The following ABLIM2 variants were observed in gnomAD, a reference collection of about 807,000 sequenced individuals.
ABLIM2 encodes the protein actin-binding LIM protein 2.
ABLIM2 carries 53 observed loss-of-function variants against 97.7 expected under a neutral mutation model. The ratio of observed to expected loss-of-function variants is 0.54; its 90% CI spans 0.44 to 0.68. ABLIM2 has a LOEUF of 0.68. ABLIM2 is among the 30% of genes least tolerant of loss of function. The pLI is 0.00. For missense variants in ABLIM2, 835 were observed against 867.2 expected, an observed-to-expected ratio of 0.96 and a Z score of 0.47; for synonymous variants, 361 against 345.8, an observed-to-expected ratio of 1.04 and a Z score of -0.49.
chr4:8,054,385 C>T lies in ABLIM2; in HGVS notation c.764-139G>A. On this transcript the variant is annotated intron_variant, in intron 7 of 20. Transcript: ENST00000447017. This position sits in a 1 kb window ranked among gnomAD's most constrained non-coding sequence, Gnocchi z 4.9. Reference sequence around the variant, plus strand: ...CACCCTCCAAGCGGCCCTGAGCATCCTCTCTGTGCTGGAGTTAGTGCCGGG... The same window carrying T: ...CACCCTCCAAGCGGCCCTGAGCATCTTCTCTGTGCTGGAGTTAGTGCCGGG... The T allele has an allele frequency of 1.1e-6, 1 of 880,310 alleles. No homozygotes were observed. The highest frequency in any genetic ancestry group is 1.8e-6 in the Non-Finnish European group (1 of 554,840). The allele number at this position is 880,310 out of a possible 1,614,324, so 54.5% of individuals were successfully genotyped here. A position where few individuals can be genotyped will look rare whatever the true frequency, so the allele number is the denominator to read the frequency against.
chr4:7,975,714 T>A (rs1037652120), intron 20 of ABLIM2, among the ~76,000 whole-genome samples: 1 of 152,138 alleles, frequency 6.6e-6, no homozygotes, highest in South Asian at 2.1e-4. Context: ...CCAAACAATA[T>A]CTAACTAAAT....
intron 20 of ABLIM2, among the ~76,000 whole-genome samples, chr4:7,975,304 G>GCT (rs1732077618): frequency 6.6e-6 from 1 of 152,202 alleles, no homozygotes; most frequent in Non-Finnish European, 1.5e-5. Flanking sequence ...TTGAACCTCA[G>GCT]CTCTGCCTCT....
chr4:8,062,503 G>C lies in ABLIM2; in HGVS notation c.676-1449C>G, dbSNP rs535764622. ...CTGGCTGGATGGAGTGCAGTGGCGC[G>C]ATCTTGGATCACTGCAAGCTCTGCC... On this transcript the variant is annotated intron_variant, in intron 6 of 20. Transcript: ENST00000447017. Among the ~76,000 whole-genome samples, 7 of 151,458 alleles carry C rather than the reference G, an allele frequency of 4.6e-5. No individual in the cohort carries two copies. In the East Asian group the frequency reaches 1.4e-3, roughly 30 times the overall value.
chr4:8,030,056 G>A (rs980513039), intron 10 of ABLIM2, among the ~76,000 whole-genome samples: 3 of 152,088 alleles, frequency 2.0e-5, no homozygotes, highest in African/African-American at 7.2e-5. Flanking sequence ...CCCTCCTGCC[G>A]GTGGGGGCTC....
In ABLIM2 at chr4:8,128,295, C is replaced by T. The variant is rs184612156; in HGVS notation, c.11-21658G>A. Among the ~76,000 whole-genome samples, 321 of 152,236 alleles carry T rather than the reference C, an allele frequency of 2.1e-3. 1 individual carries two copies. Among genetic ancestry groups the T allele is most frequent in the African/African-American group, 7.3e-3 (303 of 41,534 alleles). On this transcript the variant is annotated intron_variant, in intron 1 of 20. Coordinates refer to ENST00000447017, the MANE Select transcript of ABLIM2 (RefSeq NM_001130083.2). This position sits in a 1 kb window ranked among gnomAD's most constrained non-coding sequence, Gnocchi z 4.9. Reference sequence around the variant, plus strand: ...TCTCCATCTTTACCATAATTACATACGGAAACACCCAAACAAGGTCACATT... The same window carrying T: ...TCTCCATCTTTACCATAATTACATATGGAAACACCCAAACAAGGTCACATT...
chr4:8,108,511 C>G (rs1406289687), intron 1 of ABLIM2, among the ~76,000 whole-genome samples: 1 of 152,242 alleles, frequency 6.6e-6, no homozygotes, highest in African/African-American at 2.4e-5. Flanking sequence ...GAGGCGACTA[C>G]TCTCCCTCGA....
intron 1 of ABLIM2, among the ~76,000 whole-genome samples, chr4:8,145,610 G>A (rs1054145173): frequency 6.6e-6 from 1 of 152,136 alleles, no homozygotes; most frequent in Non-Finnish European, 1.5e-5. Flanking sequence ...CCTGCTGGGT[G>A]CTAGCATTCC....
chr4:8,091,814 A>G, intron 3 of ABLIM2, among the ~76,000 whole-genome samples: 1 of 71,620 alleles, frequency 1.4e-5, no homozygotes, highest in Non-Finnish European at 2.1e-5. Flanking sequence ...ATTATATATT[A>G]TATAATATAT....
In ABLIM2 at chr4:8,019,959, AG is replaced by A. The variant is rs2150882465; in HGVS notation, c.1369+242del. On this transcript the variant is annotated intron_variant, in intron 13 of 20. Coordinates refer to ENST00000447017, the MANE Select transcript of ABLIM2 (RefSeq NM_001130083.2). The surrounding 1 kb of genome is among the most constrained non-coding windows in gnomAD (Gnocchi z 4.3). Reference sequence around the variant, plus strand: ...CCTTTTCCTTCACCCCATTCCCAGGAGGACAGGTGTATCTCCCTGCCGTTTG... The same window carrying A: ...CCTTTTCCTTCACCCCATTCCCAGGAGACAGGTGTATCTCCCTGCCGTTTG... Among the ~76,000 whole-genome samples the A allele has an allele frequency of 6.6e-6, 1 of 152,292 alleles. No individual in the cohort carries two copies. Among genetic ancestry groups the A allele is most frequent in the Non-Finnish European group, 1.5e-5 (1 of 68,022 alleles).
At chr4:8,006,610 A>T (rs1171207267) in intron 16 of ABLIM2, among the ~76,000 whole-genome samples, 2 of 152,216 alleles carry the variant, frequency 1.3e-5, no homozygotes, top group Admixed American at 1.3e-4. Flanking sequence ...GGCATCTGAC[A>T]CGTGAGTGCA....
chr4:7,977,694 G>A (rs1734612439), intron 20 of ABLIM2, among the ~76,000 whole-genome samples: 2 of 152,040 alleles, frequency 1.3e-5, no homozygotes, highest in Non-Finnish European at 2.9e-5. Flanking sequence ...AGGAGGCTGG[G>A]GCAGGAGAAT....
rs1246225946 is a variant in ABLIM2 at position 7,974,438 on chromosome 4, C to T, written c.1825-7335G>A. Among the ~76,000 whole-genome samples the T allele has an allele frequency of 3.0e-3, 335 of 109,886 alleles. 4 individuals are homozygous for T. The highest frequency in any genetic ancestry group is 0.01 in the African/African-American group (303 of 29,036). The allele number at this position is 109,886 out of a possible 152,430, so 72.1% of individuals were successfully genotyped here. On this transcript the variant is annotated intron_variant, in intron 20 of 20. Coordinates refer to ENST00000447017, the MANE Select transcript of ABLIM2 (RefSeq NM_001130083.2). ...ACCAATCCATCCACCCACCCTTCCA[C>T]CCACCCACCCACTCATCCATCCACC...
Position 8,147,816 on chromosome 4 carries a change from G to A in ABLIM2, c.10+10864C>T, listed in dbSNP as rs1160828675. On this transcript the variant is annotated intron_variant, in intron 1 of 20. Transcript: ENST00000447017. This position sits in a 1 kb window ranked among gnomAD's most constrained non-coding sequence, Gnocchi z 5.3. ...TCTCTTGCTTTAAGCCTCCCAGCTT[G>A]TGGTCACTGGTGACCGCAGCCCCTA... Among the ~76,000 whole-genome samples the A allele has an allele frequency of 1.3e-5, 2 of 152,212 alleles. No homozygotes were observed. Among genetic ancestry groups the A allele is most frequent in the Non-Finnish European group, 2.9e-5 (2 of 68,048 alleles).
chr4:7,966,878 CCATGGA>C lies in ABLIM2; in HGVS notation c.*106_*111del. ...GCTGGGGGACCCCCTCCCGCCCACC[CCATGGA>C]CACAGAGAAGCCAGAGCAAGGTGTG... On this transcript the variant is annotated 3_prime_UTR_variant, in exon 21 of 21. Coordinates refer to ENST00000447017, the MANE Select transcript of ABLIM2 (RefSeq NM_001130083.2). 2.9e-6 allele frequency: 1 copy of C among 348,984 alleles called. No individual in the cohort carries two copies. The allele number at this position is 348,984 out of a possible 1,614,324, so 21.6% of individuals were successfully genotyped here. A position where few individuals can be genotyped will look rare whatever the true frequency, so the allele number is the denominator to read the frequency against.
At position 7,996,185 on chromosome 4, in the gene ABLIM2, A is replaced by C. The variant is rs186396010; in HGVS notation, c.1619-3258T>G. Among the ~76,000 whole-genome samples, 599 of 152,286 alleles carry C rather than the reference A, an allele frequency of 3.9e-3. 2 individuals are homozygous for C. Among genetic ancestry groups the C allele is most frequent in the Non-Finnish European group, 6.1e-3 (417 of 68,016 alleles). ...CAACCTTGCCAGGGAACTCGTCAGA[A>C]ATGCAAATTAGTGGGCCCTACCCTA... On this transcript the variant is annotated intron_variant, in intron 16 of 20. Transcript: ENST00000447017. The surrounding 1 kb of genome is among the most constrained non-coding windows in gnomAD (Gnocchi z 4.5).
chr4:8,019,598 C>T lies in ABLIM2; in HGVS notation c.1423+20G>A, dbSNP rs367816295. 903 of 1,603,350 alleles carry T rather than the reference C, an allele frequency of 5.6e-4. 3 individuals are homozygous for T. The highest frequency in any genetic ancestry group is 5.0e-3 in the South Asian group (449 of 89,134). On this transcript the variant is annotated intron_variant, in intron 14 of 20. Transcript: ENST00000447017. This position sits in a 1 kb window ranked among gnomAD's most constrained non-coding sequence, Gnocchi z 4.3. ...AGGCATGCGGGGCAAACCACAGCAG[C>T]GGGAGGAATCCAACCGTACCATGCT...
rs993650120 is a variant in ABLIM2, at chr4:8,072,199, G to A, written c.675+5429C>T. On this transcript the variant is annotated intron_variant, in intron 6 of 20. Transcript: ENST00000447017. This position sits in a 1 kb window ranked among gnomAD's most constrained non-coding sequence, Gnocchi z 5.8. The stretch of plus-strand genomic sequence containing the variant: ...CAGACCTGTTTTGCTCCTGTTCCTC[G>A]AATTAGGATGGTTCCTTCCCGATGA... 5.9e-5 allele frequency among the ~76,000 whole-genome samples: 9 copies of A among 152,198 alleles called. No homozygotes were observed. Among genetic ancestry groups the A allele is most frequent in the Middle Eastern group, 3.2e-3 (1 of 316 alleles).
Position 8,002,657 on chromosome 4 carries a change from G to A in ABLIM2, c.1618+5402C>T, listed in dbSNP as rs907831343. Among the ~76,000 whole-genome samples the A allele has an allele frequency of 6.6e-6, 1 of 152,038 alleles. No homozygotes were observed. The highest frequency in any genetic ancestry group is 6.5e-5 in the Admixed American group (1 of 15,272). On this transcript the variant is annotated intron_variant, in intron 16 of 20. Coordinates refer to ENST00000447017, the MANE Select transcript of ABLIM2 (RefSeq NM_001130083.2). The surrounding 1 kb of genome is among the most constrained non-coding windows in gnomAD (Gnocchi z 6.1). ...ACCCTCACCGTCTCGGTTTCCCAAGGCCGCCCTGCTCCTGCCTCCAGACCT... is the reference window on the plus strand; with the variant it reads ...ACCCTCACCGTCTCGGTTTCCCAAGACCGCCCTGCTCCTGCCTCCAGACCT...
In ABLIM2 at chr4:8,082,306, C is replaced by T. The variant is rs180915166; in HGVS notation, c.455-1504G>A. ...GGTCACACTGAGCGTATTCCTCCTGCGGGAGCCCCCATTTCCTCATCGTGG... is the reference window on the plus strand; with the variant it reads ...GGTCACACTGAGCGTATTCCTCCTGTGGGAGCCCCCATTTCCTCATCGTGG... On this transcript the variant is annotated intron_variant, in intron 4 of 20. Transcript: ENST00000447017. This position sits in a 1 kb window ranked among gnomAD's most constrained non-coding sequence, Gnocchi z 5.6. 2.2e-4 allele frequency among the ~76,000 whole-genome samples: 33 copies of T among 152,300 alleles called. No individual in the cohort carries two copies. The highest frequency in any genetic ancestry group is 7.2e-4 in the African/African-American group (30 of 41,558).
Sources: gnomAD v4.1 joint callset for allele counts (sites outside exome capture counted in the v4.1 genomes callset) on GRCh38, gnomAD v4.1.1 for gene constraint, Gnocchi (gnomAD v3.1) non-coding constraint, MANE v1.5 for transcripts, NCBI Gene and HGNC (gene_info 2026-07-23, HGNC 2026-07-21) for gene names.